BACH2: variants seen among roughly 807,000 people sequenced by gnomAD.
The protein encoded by BACH2 is BACH transcriptional regulator 2.
In BACH2, 5 loss-of-function variants were observed where a neutral mutation model predicts 61.8. The observed-to-expected ratio is 0.08, with a 90% CI of 0.04 to 0.17. The LOEUF is 0.17. Ranked by LOEUF, BACH2 falls within the 10% of genes least tolerant of loss-of-function variation. The pLI is 1.00. For synonymous variants in BACH2, 446 were observed against 440.1 expected, an observed-to-expected ratio of 1.01 and a Z score of -0.17; for missense variants, 824 against 1,091.1, an observed-to-expected ratio of 0.76 and a Z score of 3.45.
intron 3 of BACH2, among the ~76,000 whole-genome samples, chr6:90,208,541 A>T (rs1697887800): frequency 2.0e-5 from 3 of 152,236 alleles, no homozygotes; most frequent in Non-Finnish European, 4.4e-5. Context: ...ATCATTAAAA[A>T]GTCAGGAAAC....
chr6:89,980,242 C>T (rs896613641), intron 6 of BACH2, among the ~76,000 whole-genome samples: 6 of 151,078 alleles, frequency 4.0e-5, no homozygotes, highest in African/African-American at 1.2e-4. Flanking sequence ...TGCAGTGAGC[C>T]GAGATCGTGC....
intron 5 of BACH2, among the ~76,000 whole-genome samples, chr6:90,014,173 G>A (rs1262431634): frequency 1.3e-5 from 2 of 151,320 alleles, no homozygotes; most frequent in African/African-American, 4.8e-5. Flanking sequence ...AGATTTGTCT[G>A]TAGTTTTCTT....
rs775585764 is a variant in BACH2 at position 89,950,379 on chromosome 6, C to A, written c.1727G>T (p.Arg576Leu). ...LMGDGMYNQV[R>L]PQIKCEQSYG... ...AGACTGCTCACATTTAATTTGGGGC[C>A]GCACTTGGTTGTACATTCCATCTCC... is the stretch of plus-strand genomic sequence containing the variant. Residue 576 changes from arginine to leucine, a missense_variant, in exon 7 of 9, where the codon CGG becomes CTG. Arg to Leu is a moderately radical substitution (Grantham distance 102). This residue lies in a region of BACH2 where 160 missense variants were observed against 283.5 expected (regional missense o/e 0.56). Transcript: ENST00000257749. The surrounding 1 kb of genome is among the most constrained non-coding windows in gnomAD (Gnocchi z 5.3). 1 of 1,614,156 alleles carries A rather than the reference C, an allele frequency of 6.2e-7. No individual in the cohort carries two copies. Among genetic ancestry groups the A allele is most frequent in the Non-Finnish European group, 8.5e-7 (1 of 1,180,036 alleles).
At chr6:90,028,815 T>C (rs549619388) in intron 5 of BACH2, among the ~76,000 whole-genome samples, 4 of 152,332 alleles carry the variant, frequency 2.6e-5, no homozygotes, top group East Asian at 3.9e-4. Flanking sequence ...TGTCATTCAC[T>C]AGCTGCAAAA....
rs902081307 is a variant in BACH2 at position 90,048,310 on chromosome 6, G to C, written c.-12-39454C>G. On this transcript the variant is annotated intron_variant, in intron 5 of 8. Transcript: ENST00000257749. Reference sequence around the variant, plus strand: ...TGTGCAGCTAATTTTTGTGTTTTTCGTAGAGACAGGGTCTCACTATATTGC... The same window carrying C: ...TGTGCAGCTAATTTTTGTGTTTTTCCTAGAGACAGGGTCTCACTATATTGC... 2.6e-5 allele frequency among the ~76,000 whole-genome samples: 4 copies of C among 152,062 alleles called. No homozygotes were observed. In the South Asian group the frequency reaches 8.3e-4, roughly 32 times the overall value.
At chr6:90,003,688 C>T (rs1328641049) in intron 6 of BACH2, among the ~76,000 whole-genome samples, 1 of 152,164 alleles carries the variant, frequency 6.6e-6, no homozygotes, top group Non-Finnish European at 1.5e-5. Context: ...TGCAGTGATA[C>T]CAAGGTGCAG....
At chr6:90,117,825 T>C (rs926633984) in intron 4 of BACH2, among the ~76,000 whole-genome samples, 3 of 152,190 alleles carry the variant, frequency 2.0e-5, no homozygotes, top group Admixed American at 1.3e-4. Context: ...CTTTTACTTA[T>C]GTTTTGGATC....
rs147475719 is a variant in BACH2, at chr6:90,077,028, T to C, written c.-13+11933A>G. On this transcript the variant is annotated intron_variant, in intron 5 of 8. Transcript: ENST00000257749. ...AATACATCATTAGAGAAAATCTCCA[T>C]TGCAAATACTTTACACTATTCAACC... Among the ~76,000 whole-genome samples, 39 of 152,274 alleles carry C rather than the reference T, an allele frequency of 2.6e-4. No individual in the cohort carries two copies. The East Asian group carries it at 7.1e-3, about 28-fold the overall frequency.
intron 5 of BACH2, among the ~76,000 whole-genome samples, chr6:90,060,676 G>A (rs1190145282): frequency 6.6e-6 from 1 of 151,922 alleles, no homozygotes. Context: ...TTTCACTCAC[G>A]GTGGTTTGTT....
intron 2 of BACH2, among the ~76,000 whole-genome samples, chr6:90,264,985 C>G (rs567678076): frequency 2.0e-5 from 3 of 152,270 alleles, no homozygotes; most frequent in African/African-American, 7.2e-5. Context: ...GACAAGAATG[C>G]TTTTTCAAAT....
intron 1 of BACH2, among the ~76,000 whole-genome samples, chr6:90,274,996 G>A (rs1016275409): frequency 6.6e-6 from 1 of 152,182 alleles, no homozygotes; most frequent in Non-Finnish European, 1.5e-5. Flanking sequence ...ACGCAGGGAG[G>A]ACTAGTCTTT....
At chr6:89,982,861 C>T (rs765996647) in intron 6 of BACH2, among the ~76,000 whole-genome samples, 58 of 152,314 alleles carry the variant, frequency 3.8e-4, no homozygotes, top group Middle Eastern at 3.4e-3. Flanking sequence ...GCACAATCTC[C>T]CCCATATCTC....
At chr6:89,942,893 C>T (rs1773518125) in intron 7 of BACH2, among the ~76,000 whole-genome samples, 1 of 152,312 alleles carries the variant, frequency 6.6e-6, no homozygotes, top group African/African-American at 2.4e-5. Context: ...GCAGCAGGAC[C>T]GAGGTGGGTT....
intron 4 of BACH2, among the ~76,000 whole-genome samples, chr6:90,135,768 C>A (rs1454852511): frequency 3.9e-5 from 6 of 152,160 alleles, no homozygotes; most frequent in African/African-American, 1.4e-4. Context: ...ATTCTCTTTG[C>A]ATTAGCCCTC....
At chr6:90,252,771 A>C (rs1293861013) in intron 2 of BACH2, among the ~76,000 whole-genome samples, 181 bp from the exon 3 acceptor site, 1 of 152,236 alleles carries the variant, frequency 6.6e-6, no homozygotes, top group Non-Finnish European at 1.5e-5. Context: ...AAATGAATAT[A>C]GTCAAGTTTA....
At chr6:89,943,002 G>A (rs368060190) in intron 7 of BACH2, among the ~76,000 whole-genome samples, 2 of 152,228 alleles carry the variant, frequency 1.3e-5, no homozygotes, top group African/African-American at 4.8e-5. Context: ...TTTAAAGACA[G>A]GGTCTCGCTC....
At chr6:90,063,767 T>G (rs1780806571) in intron 5 of BACH2, among the ~76,000 whole-genome samples, 1 of 152,204 alleles carries the variant, frequency 6.6e-6, no homozygotes, top group East Asian at 1.9e-4. Context: ...CCTGGCATAT[T>G]TAGGTGTTTT....
intron 1 of BACH2, among the ~76,000 whole-genome samples, chr6:90,292,243 G>A (rs1772201975): frequency 6.6e-6 from 1 of 152,208 alleles, no homozygotes; most frequent in Non-Finnish European, 1.5e-5. Context: ...AGAATGGGCA[G>A]GCACGACACC....
rs2128352119 is a variant in BACH2 at position 89,931,900 on chromosome 6, G to A, written c.*508C>T. Reference sequence around the variant, plus strand: ...AGAAATAAGTTTCCAGTTTTAGGATGAGAAAGTTGAGGCATGCAGGACTTT... The same window carrying A: ...AGAAATAAGTTTCCAGTTTTAGGATAAGAAAGTTGAGGCATGCAGGACTTT... On this transcript the variant is annotated 3_prime_UTR_variant, in exon 9 of 9. Coordinates refer to ENST00000257749, the MANE Select transcript of BACH2 (RefSeq NM_021813.4). The A allele has an allele frequency of 1.3e-5, 2 of 149,490 alleles. 1 individual carries two copies. Among genetic ancestry groups the A allele is most frequent in the Middle Eastern group, 7.1e-3 (2 of 282 alleles). 9.3% of individuals were successfully genotyped at this position (149,490 alleles called of 1,614,324 possible). A position where few individuals can be genotyped will look rare whatever the true frequency, so the allele number is the denominator to read the frequency against.
Sources: allele counts gnomAD v4.1 joint callset (sites outside exome capture counted in the v4.1 genomes callset), GRCh38; gene constraint gnomAD v4.1.1; regional missense constraint gnomAD v4.1.1; non-coding constraint Gnocchi (gnomAD v3.1); transcripts MANE v1.5; gene names NCBI Gene and HGNC (gene_info 2026-07-23, HGNC 2026-07-21).